DIAPH2: variants seen among roughly 807,000 people sequenced by gnomAD.
The protein encoded by DIAPH2 is protein diaphanous homolog 2.
DIAPH2 carries 35 observed loss-of-function variants against 92.7 expected under a neutral mutation model. The ratio of observed to expected loss-of-function variants is 0.38; its 90% CI spans 0.29 to 0.50. The LOEUF is 0.50. Among genes scored for constraint, DIAPH2 ranks in the 20% least tolerant of loss-of-function variants. The pLI is 0.94. For missense variants in DIAPH2, 701 were observed against 819.5 expected (o/e 0.86, Z 1.77); for synonymous variants, 301 against 280.4 (o/e 1.07, Z -0.73).
At chrX:97,597,733 T>TAA (rs200318978) in intron 26 of DIAPH2, among the ~76,000 whole-genome samples, 2,143 of 111,909 alleles carry the variant, frequency 0.019, 43 homozygotes, top group African/African-American at 0.067. Context: ...ATCTAAGTAA[T>TAA]AAGTCCTTTA....
intron 23 of DIAPH2, among the ~76,000 whole-genome samples, chrX:97,339,463 C>CG (rs2069094393): frequency 9.1e-6 from 1 of 110,280 alleles, no homozygotes. Flanking sequence ...TGCAGCGAGC[C>CG]GAGATCACGC....
chrX:97,481,045 T>A (rs765294913), intron 26 of DIAPH2, among the ~76,000 whole-genome samples: 1 of 111,981 alleles, frequency 8.9e-6, no homozygotes, highest in African/African-American at 3.2e-5. Context: ...CATGCATAGC[T>A]CAGATCCCAT....
chrX:97,549,342 A>G (rs892105958), intron 26 of DIAPH2, among the ~76,000 whole-genome samples: 2 of 111,956 alleles, frequency 1.8e-5, no homozygotes, highest in Non-Finnish European at 3.8e-5. Context: ...CTTTAAAAAA[A>G]TTATATTGAA....
chrX:96,783,867 G>A (rs1013290401), intron 4 of DIAPH2, among the ~76,000 whole-genome samples: 2 of 112,183 alleles, frequency 1.8e-5, no homozygotes, highest in African/African-American at 6.5e-5. Flanking sequence ...ACACTGTTCG[G>A]TCATTTGGCC....
At chrX:97,463,305 G>A (rs1335304039) in intron 26 of DIAPH2, among the ~76,000 whole-genome samples, 5 of 98,956 alleles carry the variant, frequency 5.1e-5, no homozygotes, top group East Asian at 6.4e-4. Flanking sequence ...CAGGCCCCAA[G>A]TCTTTGACAA....
At chrX:96,946,200 A>G (rs974585610) in intron 14 of DIAPH2, among the ~76,000 whole-genome samples, 2 of 111,870 alleles carry the variant, frequency 1.8e-5, no homozygotes, top group South Asian at 7.4e-4. Flanking sequence ...AGCTTTGTGA[A>G]TATCCGAATT....
At chrX:96,864,453 T>C (rs2065092086) in intron 4 of DIAPH2, among the ~76,000 whole-genome samples, 1 of 111,969 alleles carries the variant, frequency 8.9e-6, no homozygotes, top group Non-Finnish European at 1.9e-5. Flanking sequence ...ATTAACAGAA[T>C]ACTGTTAAAA....
intron 26 of DIAPH2, among the ~76,000 whole-genome samples, chrX:97,570,312 G>A (rs1376330611): frequency 1.9e-5 from 2 of 104,044 alleles, no homozygotes; most frequent in Non-Finnish European, 3.9e-5. Flanking sequence ...CTATATTAAT[G>A]TGCATGAATT....
intron 26 of DIAPH2, among the ~76,000 whole-genome samples, chrX:97,530,032 T>C (rs780252164): frequency 8.9e-6 from 1 of 112,146 alleles, no homozygotes; most frequent in Admixed American, 9.4e-5. Flanking sequence ...ATATTTCCTT[T>C]TGGGGCATTT....
chrX:97,415,383 A>G (rs987620033), intron 25 of DIAPH2, among the ~76,000 whole-genome samples: 2 of 112,041 alleles, frequency 1.8e-5, no homozygotes, highest in Non-Finnish European at 3.8e-5. Flanking sequence ...AAATCATGCT[A>G]CTATAAAGAC....
rs1914458734 is a variant in DIAPH2 at position 97,114,911 on chromosome X, C to T, written c.2535C>T (p.Asn845=). 1 of 1,201,679 alleles carries T rather than the reference C, an allele frequency of 8.3e-7. No individual in the cohort carries two copies. The highest frequency in any genetic ancestry group is 2.2e-5 in the Admixed American group (1 of 45,157). ...ELVLLVGNYM[N]SGSRNAQSLG... ...TTCTTCTTGTTGGAAACTACATGAA[C>T]TCAGGCTCAAGAAATGCCCAGTCTT... The change falls in exon 21 of 27, where the codon AAC becomes AAT. Residue 845 remains asparagine, a synonymous_variant. Transcript: ENST00000324765.
chrX:97,292,762 C>T (rs775466393), intron 23 of DIAPH2, among the ~76,000 whole-genome samples: 178 of 111,145 alleles, frequency 1.6e-3, no homozygotes, highest in Middle Eastern at 0.014. Context: ...CCTCAACTCA[C>T]TCAAGAGCAT....
chrX:97,538,819 G>A (rs749710904), intron 26 of DIAPH2, among the ~76,000 whole-genome samples: 36 of 111,892 alleles, frequency 3.2e-4, no homozygotes, highest in Admixed American at 2.2e-3. Context: ...TTGACTTTTC[G>A]TTTGTGGTTG....
rs776446735 is a variant in DIAPH2 at position 97,472,442 on chromosome X, G to A, written c.3241+42697G>A. ...AAATTATAATCTTCAAAGGGTTTCC[G>A]AAAATCACTTATAGGAAGTTTATGT... On this transcript the variant is annotated intron_variant, in intron 26 of 26. Transcript: ENST00000324765. Among the ~76,000 whole-genome samples the A allele has an allele frequency of 1.1e-4, 12 of 112,195 alleles. No homozygotes were observed. In the East Asian group the frequency reaches 1.4e-3, roughly 13 times the overall value.
chrX:96,903,210 A>C (rs1391200446), intron 5 of DIAPH2, among the ~76,000 whole-genome samples: 5 of 111,243 alleles, frequency 4.5e-5, no homozygotes, highest in African/African-American at 1.6e-4. Context: ...GGTTTAGGAG[A>C]AAAGAATATG....
chrX:97,595,791 C>T (rs1324556383), intron 26 of DIAPH2, among the ~76,000 whole-genome samples: 1 of 111,014 alleles, frequency 9.0e-6, no homozygotes, highest in Non-Finnish European at 1.9e-5. Context: ...CGCCACCATG[C>T]CCGGCTAATT....
chrX:96,948,195 C>A (rs1277909385), intron 14 of DIAPH2, among the ~76,000 whole-genome samples: 1 of 112,453 alleles, frequency 8.9e-6, no homozygotes, highest in African/African-American at 3.2e-5. Flanking sequence ...AGTGCAATTT[C>A]TTTTCAAGAT....
intron 22 of DIAPH2, among the ~76,000 whole-genome samples, chrX:97,218,599 C>G (rs1415583342): frequency 6.5e-5 from 7 of 108,495 alleles, no homozygotes; most frequent in African/African-American, 2.4e-4. Flanking sequence ...CCTGCTAATA[C>G]AAGAAAAAAA....
intron 22 of DIAPH2, among the ~76,000 whole-genome samples, chrX:97,185,450 TGTGTGTATATATATATATATACAC>T (rs2067587109): frequency 1.1e-4 from 4 of 35,566 alleles, no homozygotes; most frequent in African/African-American, 6.6e-4. Flanking sequence ...TATATATATG[TGTGTGTATATATATATATATACAC>T]ATATATATAT....
Sources: allele counts gnomAD v4.1 joint callset (sites outside exome capture counted in the v4.1 genomes callset), GRCh38; gene constraint gnomAD v4.1.1; transcripts MANE v1.5; gene names NCBI Gene and HGNC (gene_info 2026-07-23, HGNC 2026-07-21).